Variants in HOMER1 observed in about 807,000 individuals in gnomAD.
HOMER1 encodes the protein homer scaffold protein 1, also known as homer protein homolog 1.
Under a neutral mutation model 48.9 loss-of-function variants are expected in HOMER1, and 3 were observed. That is an observed-to-expected ratio of 0.06 (90% CI 0.03 to 0.16). The LOEUF is 0.16. Among genes scored for constraint, HOMER1 ranks in the 10% least tolerant of loss-of-function variants. The probability of loss-of-function intolerance (pLI) is 1.00; values close to 1 mark genes in which losing one functional copy is unlikely to be tolerated. For synonymous variants in HOMER1, 134 were observed against 146.4 expected, an observed-to-expected ratio of 0.92 and a Z score of 0.61; for missense variants, 247 against 411.4, an observed-to-expected ratio of 0.60 and a Z score of 3.46.
intron 1 of HOMER1, among the ~76,000 whole-genome samples, chr5:79,507,672 G>C (rs544899867): frequency 1.3e-5 from 2 of 149,988 alleles, no homozygotes; most frequent in African/African-American, 4.9e-5. Flanking sequence ...TAACAATCCA[G>C]TAACTAAAAA....
At chr5:79,441,666 G>A (rs772693890) in intron 4 of HOMER1, among the ~76,000 whole-genome samples, 2 of 151,678 alleles carry the variant, frequency 1.3e-5, no homozygotes, top group African/African-American at 4.8e-5. Flanking sequence ...ATTCTGAACC[G>A]ATCGAGAACT....
At chr5:79,501,016 G>A (rs1483727224) in intron 1 of HOMER1, among the ~76,000 whole-genome samples, 1 of 147,826 alleles carries the variant, frequency 6.8e-6, no homozygotes, top group African/African-American at 2.6e-5. Context: ...TATTACCCAG[G>A]CTGCAGTGCA....
At chr5:79,386,927 CCCCT>C (rs1391298704) in intron 8 of HOMER1, among the ~76,000 whole-genome samples, 3 of 124,622 alleles carry the variant, frequency 2.4e-5, no homozygotes, top group Non-Finnish European at 3.4e-5. Context: ...CCTCCCTCCT[CCCCT>C]CCCTTCCTTC....
intron 5 of HOMER1, among the ~76,000 whole-genome samples, chr5:79,431,616 G>A (rs1750427389): frequency 1.3e-5 from 2 of 152,052 alleles, no homozygotes; most frequent in African/African-American, 4.8e-5. Flanking sequence ...TGAGGTAGTT[G>A]TTATTTAGTA....
chr5:79,425,721 T>C (rs1750230210), intron 5 of HOMER1, among the ~76,000 whole-genome samples: 1 of 152,044 alleles, frequency 6.6e-6, no homozygotes, highest in Non-Finnish European at 1.5e-5. Flanking sequence ...TTCCATGACA[T>C]GGTTCTTCAC....
chr5:79,381,879 C>T (rs1748990419), intron 8 of HOMER1, among the ~76,000 whole-genome samples: 1 of 136,598 alleles, frequency 7.3e-6, no homozygotes, highest in Non-Finnish European at 1.6e-5. Context: ...AGCAAGACTC[C>T]ATCTCCAAAA....
intron 8 of HOMER1, among the ~76,000 whole-genome samples, chr5:79,382,169 T>C (rs1032520706): frequency 6.6e-6 from 1 of 152,058 alleles, no homozygotes; most frequent in Non-Finnish European, 1.5e-5. Context: ...CGGGACACCA[T>C]AAAGTGGCCA....
intron 1 of HOMER1, among the ~76,000 whole-genome samples, chr5:79,482,046 C>T (rs1393769886): frequency 6.6e-6 from 1 of 151,952 alleles, no homozygotes; most frequent in Non-Finnish European, 1.5e-5. Flanking sequence ...TGGTGAAACC[C>T]CATCTCTCCT....
chr5:79,467,151 C>T (rs552398206), intron 1 of HOMER1, among the ~76,000 whole-genome samples: 1 of 152,146 alleles, frequency 6.6e-6, no homozygotes, highest in Admixed American at 6.5e-5. Flanking sequence ...GTAATCCTAG[C>T]ACTTTGGGAA....
At chr5:79,434,838 G>C (rs1750531076) in intron 5 of HOMER1, among the ~76,000 whole-genome samples, 1 of 152,144 alleles carries the variant, frequency 6.6e-6, no homozygotes, top group Non-Finnish European at 1.5e-5. Flanking sequence ...AAAAATCAAA[G>C]AAAGTAGTAA....
intron 2 of HOMER1, among the ~76,000 whole-genome samples, chr5:79,456,103 T>C (rs111610207): frequency 6.2e-4 from 90 of 144,490 alleles, no homozygotes; most frequent in African/African-American, 2.3e-3. Flanking sequence ...TGCAGTGAGC[T>C]GAGCTGTACT....
intron 8 of HOMER1, among the ~76,000 whole-genome samples, chr5:79,392,433 T>C (rs1046293478): frequency 6.6e-6 from 1 of 152,182 alleles, no homozygotes. Context: ...TTAAAAGAAG[T>C]TTAAAAAGTT....
rs1315811925 is a variant in HOMER1 at position 79,375,451 on chromosome 5, T to C, written c.*558A>G. On this transcript the variant is annotated 3_prime_UTR_variant, in exon 9 of 9. Coordinates refer to ENST00000334082, the MANE Select transcript of HOMER1 (RefSeq NM_004272.5). ...GAACTCTATACACCCAGTTATAGTA[T>C]ATTTCAATTAAAGATACAGCTCTCT... 1.3e-5 allele frequency: 2 copies of C among 152,096 alleles called. No homozygotes were observed. The highest frequency in any genetic ancestry group is 2.9e-5 in the Non-Finnish European group (2 of 67,980). 9.4% of individuals were successfully genotyped at this position (152,096 alleles called of 1,614,324 possible).
chr5:79,483,094 A>G (rs1751992490), intron 1 of HOMER1, among the ~76,000 whole-genome samples: 1 of 148,942 alleles, frequency 6.7e-6, no homozygotes, highest in African/African-American at 2.6e-5. Context: ...ACAAACCACA[A>G]GCGCAAAAAA....
intron 8 of HOMER1, among the ~76,000 whole-genome samples, chr5:79,387,004 C>T (rs1283553286): frequency 7.1e-6 from 1 of 140,394 alleles, no homozygotes; most frequent in Middle Eastern, 3.3e-3. Flanking sequence ...CCTCCCCCTC[C>T]CCCTTCCCCC....
At chr5:79,396,767 T>C in intron 8 of HOMER1, 56 bp downstream of exon 8, 1 of 1,027,724 alleles carries the variant, frequency 9.7e-7, no homozygotes, top group Non-Finnish European at 1.5e-6. Context: ...CAGTGCTATG[T>C]GAAAAAATGA....
At chr5:79,475,127 T>C (rs932761703) in intron 1 of HOMER1, among the ~76,000 whole-genome samples, 1 of 152,222 alleles carries the variant, frequency 6.6e-6, no homozygotes, top group African/African-American at 2.4e-5. Context: ...GGTCAGACAC[T>C]GTTCTAAGCA....
chr5:79,478,702 A>T (rs2112337680), intron 1 of HOMER1, among the ~76,000 whole-genome samples: 1 of 152,200 alleles, frequency 6.6e-6, no homozygotes, highest in Middle Eastern at 3.4e-3. Context: ...CTGTAATCCC[A>T]GCACTTTGGG....
chr5:79,468,621 G>A (rs1751539672), intron 1 of HOMER1, among the ~76,000 whole-genome samples: 2 of 152,028 alleles, frequency 1.3e-5, no homozygotes, highest in Non-Finnish European at 2.9e-5. Flanking sequence ...TTTCCTTATC[G>A]ACAGACATAT....
Sources: allele counts gnomAD v4.1 joint callset (sites outside exome capture counted in the v4.1 genomes callset), GRCh38; gene constraint gnomAD v4.1.1; transcripts MANE v1.5; gene names NCBI Gene and HGNC (gene_info 2026-07-23, HGNC 2026-07-21).